TTL: variants seen among roughly 807,000 people sequenced by gnomAD.
The protein encoded by TTL is tubulin tyrosine ligase, also known as tubulin--tyrosine ligase.
Under a neutral mutation model 41.1 loss-of-function variants are expected in TTL, and 10 were observed. The observed-to-expected ratio is 0.24, with a 90% CI of 0.15 to 0.41. The LOEUF is 0.41. Among genes scored for constraint, TTL ranks in the 10% least tolerant of loss-of-function variants. The pLI, the probability that TTL is intolerant of heterozygous loss-of-function variation, is 1.00. For synonymous variants in TTL, 175 were observed against 175.5 expected, an observed-to-expected ratio of 1.00 and a Z score of 0.02; for missense variants, 367 against 460.4, an observed-to-expected ratio of 0.80 and a Z score of 1.86.
chr2:112,498,674 C>T (rs934715778), intron 3 of TTL, among the ~76,000 whole-genome samples: 6 of 152,060 alleles, frequency 3.9e-5, no homozygotes, highest in Middle Eastern at 3.4e-3. Flanking sequence ...GAGGCCAAGG[C>T]GGGTGGATCA....
chr2:112,494,450 T>C (rs1681473046), intron 3 of TTL, 75 bp downstream of exon 3: 1 of 1,158,620 alleles, frequency 8.6e-7, no homozygotes, highest in Non-Finnish European at 1.2e-6. Flanking sequence ...AATGACCCTA[T>C]TTTAATCTGA....
chr2:112,491,338 T>C (rs568800214), intron 2 of TTL, among the ~76,000 whole-genome samples: 1 of 152,306 alleles, frequency 6.6e-6, no homozygotes, highest in South Asian at 2.1e-4. Flanking sequence ...TTATCATACA[T>C]TTGGAAATCC....
chr2:112,494,356 GTCA>G lies in TTL; in HGVS notation c.454_456del (p.Ser152del). ...GAGAGGGCAACGTTTGGATTGCAAAGTCATCAGCCGGTGCCAAAGGTGAGTTGG... is the reference window on the plus strand; with the variant it reads ...GAGAGGGCAACGTTTGGATTGCAAAGTCAGCCGGTGCCAAAGGTGAGTTGG... On this transcript the variant is annotated inframe_deletion, in exon 3 of 7. Transcript: ENST00000233336. The G allele has an allele frequency of 6.2e-7, 1 of 1,613,998 alleles. No individual in the cohort carries two copies. Among genetic ancestry groups the G allele is most frequent in the Non-Finnish European group, 8.5e-7 (1 of 1,179,990 alleles).
In TTL at chr2:112,539,836, C is replaced by A. The variant is rs990467482; in HGVS notation, c.*11041C>A. ...TAAAGAGTTTAGCAAGATTGCCAGACACAAGATCAATATACAAAACTCAAT... is the reference window on the plus strand; with the variant it reads ...TAAAGAGTTTAGCAAGATTGCCAGAAACAAGATCAATATACAAAACTCAAT... On this transcript the variant is annotated 3_prime_UTR_variant, in exon 7 of 7. Transcript: ENST00000233336. 2.6e-5 allele frequency: 4 copies of A among 152,128 alleles called. No homozygotes were observed. The highest frequency in any genetic ancestry group is 1.3e-4 in the Admixed American group (2 of 15,260). The allele number at this position is 152,128 out of a possible 1,614,324, so 9.4% of individuals were successfully genotyped here. A position where few individuals can be genotyped will look rare whatever the true frequency, so the allele number is the denominator to read the frequency against.
rs1399453467 is a variant in TTL, at chr2:112,520,264, T to A, written c.876-18T>A. On this transcript the variant is annotated intron_variant, in intron 5 of 6. Coordinates refer to ENST00000233336, the MANE Select transcript of TTL (RefSeq NM_153712.5). ...TGACCACCCCGTTCTAATGAGCATTTCCCCTCCTGCCTCATAGGAACTGCC... is the reference window on the plus strand; with the variant it reads ...TGACCACCCCGTTCTAATGAGCATTACCCCTCCTGCCTCATAGGAACTGCC... 1 of 1,613,320 alleles carries A rather than the reference T, an allele frequency of 6.2e-7. No individual in the cohort carries two copies. The highest frequency in any genetic ancestry group is 8.5e-7 in the Non-Finnish European group (1 of 1,179,356).
chr2:112,529,376 G>T lies in TTL; in HGVS notation c.*581G>T. The T allele has an allele frequency of 4.3e-6, 1 of 230,096 alleles. No individual in the cohort carries two copies. Among genetic ancestry groups the T allele is most frequent in the Non-Finnish European group, 8.6e-6 (1 of 115,830 alleles). The allele number at this position is 230,096 out of a possible 1,614,324, so 14.3% of individuals were successfully genotyped here. ...GTCAGTCACCTGTCAGGGTTTGTGC[G>T]GGTTGGGCCCCAAAACAGCATATGC... On this transcript the variant is annotated 3_prime_UTR_variant, in exon 7 of 7. Transcript: ENST00000233336.
intron 5 of TTL, among the ~76,000 whole-genome samples, chr2:112,509,105 G>T (rs1297870927): frequency 2.3e-5 from 3 of 128,426 alleles, no homozygotes; most frequent in Admixed American, 7.7e-5. Flanking sequence ...CTGCTTGGGG[G>T]TGCCTCCCAG....
intron 5 of TTL, among the ~76,000 whole-genome samples, chr2:112,512,825 C>T (rs902841445): frequency 6.6e-6 from 1 of 152,150 alleles, no homozygotes; most frequent in Non-Finnish European, 1.5e-5. Flanking sequence ...TCTGTCCCCT[C>T]CTTTATTGTA....
intron 5 of TTL, among the ~76,000 whole-genome samples, chr2:112,519,790 C>G (rs188003133): frequency 6.6e-6 from 1 of 152,112 alleles, no homozygotes; most frequent in Non-Finnish European, 1.5e-5. Flanking sequence ...CTAACAAATG[C>G]TTGATAAGTA....
chr2:112,521,919 G>A (rs1266593679), intron 6 of TTL, among the ~76,000 whole-genome samples: 1 of 152,210 alleles, frequency 6.6e-6, no homozygotes, highest in East Asian at 1.9e-4. Flanking sequence ...GATGGGCTAA[G>A]GGCGGAATAA....
intron 5 of TTL, among the ~76,000 whole-genome samples, chr2:112,509,676 C>G (rs892161237): frequency 6.6e-6 from 1 of 152,178 alleles, no homozygotes; most frequent in African/African-American, 2.4e-5. Flanking sequence ...CTTCGGCTCG[C>G]GCACGGTGCG....
chr2:112,490,195 C>T (rs1681343953), intron 2 of TTL, among the ~76,000 whole-genome samples: 1 of 152,108 alleles, frequency 6.6e-6, no homozygotes, highest in Non-Finnish European at 1.5e-5. Context: ...GCAGGTGCAT[C>T]ATTTGAGGTC....
At chr2:112,527,094 G>A (rs560888985) in intron 6 of TTL, among the ~76,000 whole-genome samples, 3 of 152,290 alleles carry the variant, frequency 2.0e-5, no homozygotes, top group East Asian at 1.9e-4. Flanking sequence ...GTAGTTGAGC[G>A]GTTTTGAGTG....
At position 112,529,023 on chromosome 2, in the gene TTL, A is replaced by C. The variant is rs1682439036; in HGVS notation, c.*228A>C. The C allele has an allele frequency of 1.8e-6, 1 of 562,192 alleles. No individual in the cohort carries two copies. Among genetic ancestry groups the C allele is most frequent in the Non-Finnish European group, 3.2e-6 (1 of 313,816 alleles). The allele number at this position is 562,192 out of a possible 1,614,324, so 34.8% of individuals were successfully genotyped here. A position where few individuals can be genotyped will look rare whatever the true frequency, so the allele number is the denominator to read the frequency against. ...CAGTGCTGTTGAGACTTTTGAAAAC[A>C]ACTTTGGTACACAAAGGCAGCTTTG... is the stretch of plus-strand genomic sequence containing the variant. On this transcript the variant is annotated 3_prime_UTR_variant, in exon 7 of 7. Transcript: ENST00000233336.
Position 112,538,853 on chromosome 2 carries a change from C to A in TTL, c.*10058C>A, listed in dbSNP as rs1034627189. On this transcript the variant is annotated 3_prime_UTR_variant, in exon 7 of 7. Transcript: ENST00000233336. ...TGGGAAGAGGCCAGTCGCGGTGGCTCACGCCTGTCATCCCAGCACTTTGGG... is the reference window on the plus strand; with the variant it reads ...TGGGAAGAGGCCAGTCGCGGTGGCTAACGCCTGTCATCCCAGCACTTTGGG... The A allele has an allele frequency of 2.2e-4, 34 of 152,294 alleles. No individual in the cohort carries two copies. The highest frequency in any genetic ancestry group is 7.2e-4 in the African/African-American group (30 of 41,504). 9.4% of individuals were successfully genotyped at this position (152,294 alleles called of 1,614,324 possible).
chr2:112,516,009 A>G (rs1027495947), intron 5 of TTL, among the ~76,000 whole-genome samples: 4 of 151,898 alleles, frequency 2.6e-5, no homozygotes, highest in South Asian at 2.1e-4. Context: ...TGCCCTGCCA[A>G]AGACAGCCAC....
rs199808144 is a variant in TTL, at chr2:112,520,261, A to G, written c.876-21A>G. Reference sequence around the variant, plus strand: ...CTTTGACCACCCCGTTCTAATGAGCATTTCCCCTCCTGCCTCATAGGAACT... The same window carrying G: ...CTTTGACCACCCCGTTCTAATGAGCGTTTCCCCTCCTGCCTCATAGGAACT... On this transcript the variant is annotated intron_variant, in intron 5 of 6. Transcript: ENST00000233336. 4.3e-4 allele frequency: 694 copies of G among 1,613,300 alleles called. 2 individuals carry two copies. The highest frequency in any genetic ancestry group is 5.6e-4 in the Non-Finnish European group (663 of 1,179,464).
chr2:112,486,813 A>G (rs1466326260), intron 2 of TTL, among the ~76,000 whole-genome samples: 3 of 152,234 alleles, frequency 2.0e-5, no homozygotes, highest in Non-Finnish European at 4.4e-5. Flanking sequence ...TATATAGCAC[A>G]GTGGCCTGGT....
intron 6 of TTL, among the ~76,000 whole-genome samples, chr2:112,524,622 C>T (rs907439315): frequency 2.6e-5 from 4 of 152,132 alleles, no homozygotes; most frequent in Admixed American, 2.6e-4. Flanking sequence ...ATCCTTTGCC[C>T]ACTTTTTGAT....
Sources: allele counts gnomAD v4.1 joint callset (sites outside exome capture counted in the v4.1 genomes callset), GRCh38; gene constraint gnomAD v4.1.1; transcripts MANE v1.5; gene names NCBI Gene and HGNC (gene_info 2026-07-23, HGNC 2026-07-21).